NXPE2: variants seen among roughly 807,000 people sequenced by gnomAD.
NXPE2 encodes neurexophilin and PC-esterase domain family member 2, also known as NXPE family member 2.
NXPE2 carries 34 observed loss-of-function variants against 34.4 expected under a neutral mutation model. That is an observed-to-expected ratio of 0.99 (90% CI 0.75 to 1.31). NXPE2 has a LOEUF of 1.31. Ranked by LOEUF, NXPE2 falls within the 40% of genes most tolerant of loss-of-function variation. The probability of loss-of-function intolerance (pLI) is 0.00; values close to 1 mark genes in which losing one functional copy is unlikely to be tolerated. For missense variants in NXPE2, 649 were observed against 672.5 expected, an observed-to-expected ratio of 0.97 and a Z score of 0.39; for synonymous variants, 235 against 231.3, an observed-to-expected ratio of 1.02 and a Z score of -0.15.
At chr11:114,561,235 C>T in the NXPE2 span, among the ~76,000 whole-genome samples, 10 of 152,310 alleles carry the variant, frequency 6.6e-5, no homozygotes, top group Non-Finnish European at 1.2e-4. Context: ...CAGTTTCTGA[C>T]ACTTAGTTTA....
At chr11:114,673,605 C>T (rs536955301), upstream of NXPE2, among the ~76,000 whole-genome samples, 1 of 151,584 alleles carries the variant, frequency 6.6e-6, no homozygotes, top group Non-Finnish European at 1.5e-5. Flanking sequence ...AGAGAAAACT[C>T]AAATTACTAA....
the NXPE2 span, among the ~76,000 whole-genome samples, chr11:114,735,497 TG>T: frequency 1.3e-5 from 2 of 152,164 alleles, no homozygotes; most frequent in Admixed American, 6.5e-5. Context: ...ATTTGCAAAA[TG>T]GGGGGGTTAA....
the NXPE2 span, chr11:114,522,256 G>A: frequency 6.2e-7 from 1 of 1,614,066 alleles, no homozygotes; most frequent in South Asian, 1.1e-5. Flanking sequence ...CGATGGCCCT[G>A]CGAATAAAAA....
At chr11:114,581,935 C>G in the NXPE2 span, 1 of 652,410 alleles carries the variant, frequency 1.5e-6, no homozygotes, top group Non-Finnish European at 2.6e-6. Flanking sequence ...ATTTCCATTT[C>G]TTTGCCTATT....
the NXPE2 span, among the ~76,000 whole-genome samples, chr11:114,762,623 C>T: frequency 1.3e-5 from 2 of 152,172 alleles, no homozygotes; most frequent in Non-Finnish European, 2.9e-5. Flanking sequence ...GCACTGACCC[C>T]TGGCGTCTGC....
chr11:114,800,926 T>G, the NXPE2 span, among the ~76,000 whole-genome samples: 8 of 152,208 alleles, frequency 5.3e-5, no homozygotes, highest in Non-Finnish European at 1.2e-4. Context: ...CAACACAACT[T>G]TATAATCTAT....
chr11:114,512,354 T>C, the NXPE2 span, among the ~76,000 whole-genome samples: 1 of 152,166 alleles, frequency 6.6e-6, no homozygotes, highest in African/African-American at 2.4e-5. Flanking sequence ...TGTTGTCTTC[T>C]GTCAGTTTTG....
the NXPE2 span, among the ~76,000 whole-genome samples, chr11:114,524,262 G>T: frequency 1.0e-5 from 1 of 98,612 alleles, no homozygotes; most frequent in South Asian, 3.0e-4. Context: ...ATAGCCATGG[G>T]TCTAGCCACA....
chr11:114,601,921 TAA>T, the NXPE2 span, among the ~76,000 whole-genome samples: 911 of 55,904 alleles, frequency 0.016, 16 homozygotes, highest in African/African-American at 0.052. Flanking sequence ...TAATTATATA[TAA>T]TATATTTATA....
upstream of NXPE2, among the ~76,000 whole-genome samples, chr11:114,677,961 T>G (rs777855474): frequency 6.6e-6 from 1 of 152,072 alleles, no homozygotes; most frequent in African/African-American, 2.4e-5. Context: ...TCTCTTACCT[T>G]GTTACATATT....
chr11:114,607,962 A>G, the NXPE2 span, among the ~76,000 whole-genome samples: 2 of 151,894 alleles, frequency 1.3e-5, no homozygotes, highest in African/African-American at 2.4e-5. Flanking sequence ...CCAGTGGATA[A>G]TAAGTGTTGC....
At chr11:114,739,844 C>G in the NXPE2 span, among the ~76,000 whole-genome samples, 1 of 152,092 alleles carries the variant, frequency 6.6e-6, no homozygotes, top group African/African-American at 2.4e-5. Context: ...GTATTTGTCT[C>G]TTTGTGGCTG....
At chr11:114,710,400 G>T (rs776672815), downstream of NXPE2, among the ~76,000 whole-genome samples, 1 of 151,984 alleles carries the variant, frequency 6.6e-6, no homozygotes, top group East Asian at 1.9e-4. Context: ...ATTATAAATG[G>T]GCAATGAGAC....
chr11:114,690,971 A>G (rs952122999), intron 2 of NXPE2, among the ~76,000 whole-genome samples: 8 of 151,944 alleles, frequency 5.3e-5, no homozygotes, highest in African/African-American at 1.7e-4. Flanking sequence ...CATCTTCCAA[A>G]TCTTGGATCA....
the NXPE2 span, among the ~76,000 whole-genome samples, chr11:114,515,627 C>A: frequency 6.6e-6 from 1 of 152,070 alleles, no homozygotes; most frequent in Non-Finnish European, 1.5e-5. Flanking sequence ...GGAAACAGTG[C>A]CTAGCATTCG....
the NXPE2 span, among the ~76,000 whole-genome samples, chr11:114,575,682 C>T: frequency 2.5e-3 from 379 of 151,994 alleles, 4 homozygotes; most frequent in Non-Finnish European, 2.6e-3. Flanking sequence ...TACAAAACAC[C>T]GCCCAAAGAA....
downstream of NXPE2, among the ~76,000 whole-genome samples, chr11:114,710,523 A>G (rs1859592790): frequency 6.6e-6 from 1 of 152,186 alleles, no homozygotes; most frequent in Non-Finnish European, 1.5e-5. Flanking sequence ...GAAACATACA[A>G]CCTACGAAGA....
At chr11:114,478,465 G>A in the NXPE2 span, among the ~76,000 whole-genome samples, 1 of 152,150 alleles carries the variant, frequency 6.6e-6, no homozygotes, top group African/African-American at 2.4e-5. Context: ...ATAAGGGAGA[G>A]GAGGTGTCTT....
chr11:114,557,995 T>G, the NXPE2 span, among the ~76,000 whole-genome samples: 1 of 152,178 alleles, frequency 6.6e-6, no homozygotes, highest in East Asian at 1.9e-4. Flanking sequence ...TGCCCTTTGT[T>G]CCTCTCTTGC....
Sources: gnomAD v4.1 joint callset for allele counts (sites outside exome capture counted in the v4.1 genomes callset) on GRCh38, gnomAD v4.1.1 for gene constraint, MANE v1.5 for transcripts, NCBI Gene and HGNC (gene_info 2026-07-23, HGNC 2026-07-21) for gene names.